TAFA1: variants seen among roughly 807,000 people sequenced by gnomAD.
The protein encoded by TAFA1 is TAFA chemokine like family member 1.
TAFA1 carries 4 observed loss-of-function variants against 18.5 expected under a neutral mutation model. That is an observed-to-expected ratio of 0.22 (90% confidence interval 0.11 to 0.49). The LOEUF (loss-of-function observed/expected upper bound fraction) is 0.49. TAFA1 is among the 20% of genes least tolerant of loss of function. The pLI, the probability that TAFA1 is intolerant of heterozygous loss-of-function variation, is 0.98. For missense variants in TAFA1, 147 were observed against 169.0 expected, an observed-to-expected ratio of 0.87 and a Z score of 0.72; for synonymous variants, 56 against 55.2, an observed-to-expected ratio of 1.01 and a Z score of -0.06.
intron 2 of TAFA1, among the ~76,000 whole-genome samples, chr3:68,399,356 C>T (rs1026827291): frequency 6.6e-6 from 1 of 152,062 alleles, no homozygotes; most frequent in African/African-American, 2.4e-5. Context: ...TAATATTTTG[C>T]CAATTATTTC....
chr3:68,158,998 C>G (rs960117814), intron 2 of TAFA1, among the ~76,000 whole-genome samples: 9 of 152,162 alleles, frequency 5.9e-5, no homozygotes, highest in African/African-American at 1.9e-4. Context: ...CCTGTTCATT[C>G]AATCTGCAAT....
intron 2 of TAFA1, among the ~76,000 whole-genome samples, chr3:68,202,164 C>T (rs1215278175): frequency 1.3e-5 from 2 of 151,710 alleles, no homozygotes; most frequent in Non-Finnish European, 3.0e-5. Context: ...CATATCCAGA[C>T]CACAGCAGTC....
chr3:68,300,961 G>C (rs2068293912), intron 2 of TAFA1, among the ~76,000 whole-genome samples: 1 of 152,104 alleles, frequency 6.6e-6, no homozygotes, highest in Middle Eastern at 3.2e-3. Context: ...TGCCCAGTCT[G>C]AGGTAGTTCT....
chr3:68,026,273 T>C (rs1351398516), intron 2 of TAFA1, among the ~76,000 whole-genome samples: 4 of 151,926 alleles, frequency 2.6e-5, no homozygotes, highest in Non-Finnish European at 5.9e-5. Context: ...ATGAGGTGAC[T>C]GGTCCAGCAG....
chr3:68,021,612 T>C (rs1704691757), intron 2 of TAFA1, among the ~76,000 whole-genome samples: 1 of 152,180 alleles, frequency 6.6e-6, no homozygotes, highest in Admixed American at 6.5e-5. Flanking sequence ...CTGTATTTTC[T>C]ACTCTGAATA....
intron 2 of TAFA1, among the ~76,000 whole-genome samples, chr3:68,307,678 CA>C (rs1163998702): frequency 6.6e-6 from 1 of 152,122 alleles, no homozygotes; most frequent in African/African-American, 2.4e-5. Context: ...CAGGGCAAGG[CA>C]CTTGAAAAAA....
At chr3:68,081,625 G>A (rs1409478347) in intron 2 of TAFA1, among the ~76,000 whole-genome samples, 1 of 152,208 alleles carries the variant, frequency 6.6e-6, no homozygotes, top group Non-Finnish European at 1.5e-5. Context: ...TAGGCTGCTC[G>A]GGGGTCAGGG....
chr3:68,162,225 T>C (rs1410169970), intron 2 of TAFA1, among the ~76,000 whole-genome samples: 2 of 152,152 alleles, frequency 1.3e-5, no homozygotes, highest in Non-Finnish European at 2.9e-5. Flanking sequence ...TCTAGACCAG[T>C]GGTACTCAAC....
At chr3:68,423,340 G>A (rs139671073) in intron 3 of TAFA1, among the ~76,000 whole-genome samples, 238 of 152,198 alleles carry the variant, frequency 1.6e-3, no homozygotes, top group South Asian at 5.4e-3. Flanking sequence ...GAGGATCAGC[G>A]AAATTTGGTG....
intron 2 of TAFA1, among the ~76,000 whole-genome samples, chr3:68,103,914 T>C (rs2065177026): frequency 6.6e-6 from 1 of 152,154 alleles, no homozygotes; most frequent in Non-Finnish European, 1.5e-5. Context: ...AGTTCCTACC[T>C]ATGAAGGTAG....
intron 2 of TAFA1, among the ~76,000 whole-genome samples, chr3:68,246,434 C>T (rs976414984): frequency 6.6e-6 from 1 of 150,840 alleles, no homozygotes; most frequent in Admixed American, 6.6e-5. Context: ...ACTAAAAATA[C>T]AAAAAATTAG....
chr3:68,001,812 T>TA (rs373621835), upstream of TAFA1, among the ~76,000 whole-genome samples: 35 of 152,098 alleles, frequency 2.3e-4, no homozygotes, highest in Admixed American at 1.7e-3. Context: ...TGCAATTGCT[T>TA]AAAAAAAACT....
chr3:68,292,448 A>T (rs1324127133), intron 2 of TAFA1, among the ~76,000 whole-genome samples: 1 of 151,932 alleles, frequency 6.6e-6, no homozygotes, highest in Non-Finnish European at 1.5e-5. Flanking sequence ...CAAAACAAAA[A>T]CAAAAACACT....
intron 3 of TAFA1, among the ~76,000 whole-genome samples, chr3:68,505,905 A>G (rs1045294646): frequency 5.3e-5 from 8 of 149,988 alleles, no homozygotes; most frequent in Admixed American, 4.7e-4. Context: ...TATTATTATT[A>G]TACTTTAAGT....
At chr3:68,084,390 G>A (rs976288660) in intron 2 of TAFA1, among the ~76,000 whole-genome samples, 1 of 152,126 alleles carries the variant, frequency 6.6e-6, no homozygotes, top group African/African-American at 2.4e-5. Context: ...TTGTGCTGCT[G>A]TGCCTTTCTT....
In TAFA1 at chr3:68,545,133, C is replaced by G. The variant is rs749866924; in HGVS notation, c.*630C>G. On this transcript the variant is annotated 3_prime_UTR_variant, in exon 5 of 5. Coordinates refer to ENST00000478136, the MANE Select transcript of TAFA1 (RefSeq NM_213609.4). ...TCGTCCTGTTTTATTGCTTTCTACC[C>G]TGTGCAATATTAGCATGCAAGCTTG... is the stretch of plus-strand genomic sequence containing the variant. The G allele has an allele frequency of 6.6e-6, 1 of 152,528 alleles. No individual in the cohort carries two copies. Among genetic ancestry groups the G allele is most frequent in the Non-Finnish European group, 1.5e-5 (1 of 68,026 alleles). The allele number at this position is 152,528 out of a possible 1,614,324, so 9.4% of individuals were successfully genotyped here. A position where few individuals can be genotyped will look rare whatever the true frequency, so the allele number is the denominator to read the frequency against.
At chr3:68,095,283 C>T (rs2065075106) in intron 2 of TAFA1, among the ~76,000 whole-genome samples, 1 of 152,148 alleles carries the variant, frequency 6.6e-6, no homozygotes, top group South Asian at 2.1e-4. Flanking sequence ...ATGGAAATAT[C>T]TCTGAGTTTC....
intron 2 of TAFA1, among the ~76,000 whole-genome samples, chr3:68,291,722 A>C (rs370132014): frequency 6.6e-6 from 1 of 152,208 alleles, no homozygotes; most frequent in African/African-American, 2.4e-5. Context: ...ATGTTAAAAA[A>C]ATTTTCAAAG....
At chr3:68,142,101 C>T (rs2065673440) in intron 2 of TAFA1, among the ~76,000 whole-genome samples, 1 of 152,108 alleles carries the variant, frequency 6.6e-6, no homozygotes, top group Non-Finnish European at 1.5e-5. Flanking sequence ...TCCCACATGG[C>T]ATATTGGGGA....
Sources: allele counts gnomAD v4.1 joint callset (sites outside exome capture counted in the v4.1 genomes callset), GRCh38; gene constraint gnomAD v4.1.1; transcripts MANE v1.5; gene names NCBI Gene and HGNC (gene_info 2026-07-23, HGNC 2026-07-21).